Variants in CEP128 observed in about 807,000 individuals in gnomAD.
CEP128 encodes centrosomal protein 128kDa.
Under a neutral mutation model 156.7 loss-of-function variants are expected in CEP128, and 132 were observed. The ratio of observed to expected loss-of-function variants is 0.84; its 90% CI spans 0.73 to 0.97. CEP128 has a LOEUF of 0.97. CEP128 is among the 50% of genes least tolerant of loss of function. CEP128 has a pLI of 0.00. For missense variants in CEP128, 1,252 were observed against 1,281.9 expected (o/e 0.98, Z 0.36); for synonymous variants, 469 against 448.9 (o/e 1.04, Z -0.57).
intron 19 of CEP128, among the ~76,000 whole-genome samples, chr14:80,716,177 T>C (rs1897597321): frequency 6.6e-6 from 1 of 152,210 alleles, no homozygotes; most frequent in Admixed American, 6.5e-5. Context: ...GTGAACCAAA[T>C]AAATTAAATG....
At chr14:80,764,342 C>CA (rs1276133263) in intron 16 of CEP128, among the ~76,000 whole-genome samples, 5 of 151,084 alleles carry the variant, frequency 3.3e-5, no homozygotes, top group South Asian at 2.1e-4. Flanking sequence ...ACTAAAAATA[C>CA]AAAAAAATTA....
intron 19 of CEP128, among the ~76,000 whole-genome samples, chr14:80,720,773 T>A (rs1159607703): frequency 1.3e-5 from 2 of 152,190 alleles, no homozygotes; most frequent in African/African-American, 4.8e-5. Context: ...ATCTAAGCAA[T>A]GCAGACAAAC....
intron 2 of CEP128, among the ~76,000 whole-genome samples, chr14:80,953,125 G>A (rs112218825): frequency 4.7e-4 from 72 of 152,262 alleles, no homozygotes; most frequent in African/African-American, 1.7e-3. Flanking sequence ...TAAAGAGGAA[G>A]GAATATTTCC....
intron 19 of CEP128, among the ~76,000 whole-genome samples, chr14:80,629,496 C>T (rs1029981402): frequency 1.3e-5 from 2 of 151,158 alleles, no homozygotes; most frequent in Admixed American, 1.3e-4. Flanking sequence ...AAAAGTAATC[C>T]TTAACACTCC....
chr14:80,657,587 G>A (rs988623878), intron 19 of CEP128, among the ~76,000 whole-genome samples: 3 of 151,868 alleles, frequency 2.0e-5, no homozygotes, highest in Admixed American at 6.6e-5. Context: ...GGAGTAAGAG[G>A]TCATGGCGAG....
intron 20 of CEP128, among the ~76,000 whole-genome samples, chr14:80,572,231 A>C (rs1241188520): frequency 6.6e-6 from 1 of 152,200 alleles, no homozygotes; most frequent in Non-Finnish European, 1.5e-5. Context: ...ATTCTGGAAA[A>C]TCAGCTAGAG....
chr14:80,951,175 A>G (rs909306731), intron 2 of CEP128, among the ~76,000 whole-genome samples: 4 of 152,182 alleles, frequency 2.6e-5, no homozygotes, highest in East Asian at 3.8e-4. Flanking sequence ...AATGTCATTC[A>G]AGCAAAAGGA....
chr14:80,680,947 C>G (rs1346518946), intron 19 of CEP128, among the ~76,000 whole-genome samples: 1 of 152,078 alleles, frequency 6.6e-6, no homozygotes, highest in African/African-American at 2.4e-5. Flanking sequence ...ACGGATCAGC[C>G]CATTGCCTGA....
chr14:80,799,041 G>A (rs1174854979), intron 13 of CEP128, among the ~76,000 whole-genome samples: 2 of 152,194 alleles, frequency 1.3e-5, no homozygotes, highest in Admixed American at 6.5e-5. Context: ...AGACTGTAAT[G>A]ACTCAAAAGT....
At chr14:80,479,616 A>G (rs987385301) in intron 14 of CEP128, among the ~76,000 whole-genome samples, 4 of 152,188 alleles carry the variant, frequency 2.6e-5, no homozygotes, top group Non-Finnish European at 5.9e-5. Flanking sequence ...TCTGGGAGGT[A>G]GAATACAAGT....
At chr14:80,883,291 G>T (rs1481927386) in intron 8 of CEP128, among the ~76,000 whole-genome samples, 1 of 151,976 alleles carries the variant, frequency 6.6e-6, no homozygotes, top group African/African-American at 2.4e-5. Flanking sequence ...TGAAAAGGAA[G>T]AAGTCAAATT....
intron 15 of CEP128, among the ~76,000 whole-genome samples, chr14:80,779,373 C>A (rs537472856): frequency 2.0e-5 from 3 of 152,070 alleles, no homozygotes; most frequent in African/African-American, 7.2e-5. Context: ...ATTAAATTAA[C>A]AAAGAAATTG....
chr14:80,525,301 C>T (rs1001959627), intron 23 of CEP128, among the ~76,000 whole-genome samples: 2 of 152,064 alleles, frequency 1.3e-5, no homozygotes, highest in Admixed American at 6.6e-5. Context: ...ATTACTAAAG[C>T]CAGGCAGACT....
chr14:80,878,434 T>C (rs768664357), intron 8 of CEP128, among the ~76,000 whole-genome samples: 1 of 152,186 alleles, frequency 6.6e-6, no homozygotes, highest in Admixed American at 6.5e-5. Flanking sequence ...CAGTGGTATA[T>C]TACCATTCCT....
rs1378339312 is a variant in CEP128, at chr14:80,859,159, A to G, written c.762+3598T>C. ...CTTGGAACCAACCCAAATGTCCAAC[A>G]ATGACAGACTGGATTAAGAAAATGT... On this transcript the variant is annotated intron_variant, in intron 9 of 24. Coordinates refer to ENST00000555265, the MANE Select transcript of CEP128 (RefSeq NM_152446.5). Among the ~76,000 whole-genome samples, 31 of 150,678 alleles carry G rather than the reference A, an allele frequency of 2.1e-4. No individual in the cohort carries two copies. In the South Asian group the frequency reaches 6.6e-3, roughly 32 times the overall value.
At chr14:80,765,267 G>A (rs1013716381) in intron 16 of CEP128, among the ~76,000 whole-genome samples, 23 of 152,290 alleles carry the variant, frequency 1.5e-4, no homozygotes, top group African/African-American at 4.3e-4. Flanking sequence ...ATGAAGTAGC[G>A]CTTTCTCGCA....
chr14:80,601,675 T>C (rs1283061455), intron 19 of CEP128, among the ~76,000 whole-genome samples: 1 of 152,148 alleles, frequency 6.6e-6, no homozygotes, highest in Non-Finnish European at 1.5e-5. Flanking sequence ...CTATATTGAA[T>C]ACCATAAGCA....
chr14:80,766,451 T>G (rs1457955998), intron 16 of CEP128, among the ~76,000 whole-genome samples: 1 of 152,178 alleles, frequency 6.6e-6, no homozygotes, highest in Non-Finnish European at 1.5e-5. Context: ...CTCAGAGCAT[T>G]CACTTTCCCA....
At chr14:80,850,170 T>A (rs1886816583) in intron 9 of CEP128, among the ~76,000 whole-genome samples, 4 of 152,126 alleles carry the variant, frequency 2.6e-5, no homozygotes, top group Admixed American at 2.6e-4. Flanking sequence ...GCAGGTGTCT[T>A]CATATAAAAT....
Sources: allele counts gnomAD v4.1 joint callset (sites outside exome capture counted in the v4.1 genomes callset), GRCh38; gene constraint gnomAD v4.1.1; transcripts MANE v1.5; gene names NCBI Gene and HGNC (gene_info 2026-07-23, HGNC 2026-07-21).